NTRK3: variants seen among roughly 807,000 people sequenced by gnomAD.
The protein encoded by NTRK3 is neurotrophic receptor tyrosine kinase 3.
Under a neutral mutation model 91.7 loss-of-function variants are expected in NTRK3, and 24 were observed. The observed-to-expected ratio is 0.26, with a 90% CI of 0.19 to 0.37. The LOEUF (loss-of-function observed/expected upper bound fraction) is 0.37. Ranked by LOEUF, NTRK3 falls within the 10% of genes least tolerant of loss-of-function variation. The pLI, the probability that NTRK3 is intolerant of heterozygous loss-of-function variation, is 1.00. For synonymous variants in NTRK3, 483 were observed against 404.0 expected (o/e 1.20, Z -2.34); for missense variants, 880 against 1,068.9 (o/e 0.82, Z 2.46).
At chr15:87,955,771 T>C (rs867317365) in intron 14 of NTRK3, among the ~76,000 whole-genome samples, 3 of 152,180 alleles carry the variant, frequency 2.0e-5, no homozygotes, top group African/African-American at 7.2e-5. Context: ...GAGATCGTTG[T>C]TGACGGTGAT....
chr15:87,894,276 C>T (rs1338507589), intron 17 of NTRK3, among the ~76,000 whole-genome samples: 1 of 152,184 alleles, frequency 6.6e-6, no homozygotes, highest in Non-Finnish European at 1.5e-5. Flanking sequence ...ACTAGCAGTC[C>T]CAGCAGCCAC....
At chr15:88,085,945 T>C (rs1206880367) in intron 13 of NTRK3, among the ~76,000 whole-genome samples, 1 of 152,190 alleles carries the variant, frequency 6.6e-6, no homozygotes, top group Non-Finnish European at 1.5e-5. Context: ...GAGAAAATGA[T>C]AGTATGTGAT....
intron 14 of NTRK3, among the ~76,000 whole-genome samples, chr15:88,025,006 G>C (rs777498367): frequency 3.9e-5 from 6 of 152,208 alleles, no homozygotes; most frequent in Admixed American, 3.9e-4. Context: ...GTATACTTTA[G>C]AGCAGAAGAG....
At chr15:88,172,554 T>A (rs2045616597) in intron 5 of NTRK3, among the ~76,000 whole-genome samples, 1 of 152,238 alleles carries the variant, frequency 6.6e-6, no homozygotes, top group South Asian at 2.1e-4. Context: ...GACAGGGTTA[T>A]AAGAAAATTC....
At chr15:88,176,001 G>A (rs904543613) in intron 5 of NTRK3, among the ~76,000 whole-genome samples, 2 of 152,088 alleles carry the variant, frequency 1.3e-5, no homozygotes, top group African/African-American at 4.8e-5. Flanking sequence ...ATCTCAAAGA[G>A]GCGACCTACC....
chr15:87,886,964 T>A (rs2065591613), intron 17 of NTRK3, among the ~76,000 whole-genome samples: 1 of 151,410 alleles, frequency 6.6e-6, no homozygotes, highest in Non-Finnish European at 1.5e-5. Context: ...TTTGTTGATG[T>A]AAAAAAAATA....
intron 13 of NTRK3, among the ~76,000 whole-genome samples, chr15:88,107,716 A>G (rs756113438): frequency 6.6e-6 from 1 of 152,164 alleles, no homozygotes; most frequent in Non-Finnish European, 1.5e-5. Flanking sequence ...GGAAGAATGG[A>G]TAAAGCCTGC....
intron 14 of NTRK3, among the ~76,000 whole-genome samples, chr15:87,980,511 G>A (rs556425543): frequency 2.0e-5 from 3 of 152,118 alleles, no homozygotes; most frequent in African/African-American, 4.8e-5. Flanking sequence ...ATGTATGTGC[G>A]AATATATGTG....
chr15:88,108,683 G>A (rs2050981091), intron 13 of NTRK3, among the ~76,000 whole-genome samples: 1 of 152,198 alleles, frequency 6.6e-6, no homozygotes, highest in Non-Finnish European at 1.5e-5. Context: ...AACATTCCAT[G>A]ACACTTTCCA....
intron 13 of NTRK3, among the ~76,000 whole-genome samples, chr15:88,107,292 A>T (rs1433614653): frequency 6.6e-6 from 1 of 152,006 alleles, no homozygotes; most frequent in Non-Finnish European, 1.5e-5. Flanking sequence ...AAACTACAAA[A>T]ATTAGCCAGG....
chr15:87,988,384 A>G (rs576425200), intron 14 of NTRK3, among the ~76,000 whole-genome samples: 1 of 152,240 alleles, frequency 6.6e-6, no homozygotes, highest in South Asian at 2.1e-4. Flanking sequence ...GAGAAAGGAC[A>G]TTTGGGGGAA....
chr15:88,040,193 C>A (rs941528397), intron 13 of NTRK3, among the ~76,000 whole-genome samples: 3 of 152,206 alleles, frequency 2.0e-5, no homozygotes, highest in Non-Finnish European at 2.9e-5. Context: ...GGAGGAAAGT[C>A]TTTGAAGAGG....
intron 14 of NTRK3, among the ~76,000 whole-genome samples, chr15:87,984,136 A>C (rs918727059): frequency 6.6e-6 from 1 of 152,186 alleles, no homozygotes; most frequent in Non-Finnish European, 1.5e-5. Flanking sequence ...ATGGATAATT[A>C]AAATATAGTC....
intron 13 of NTRK3, among the ~76,000 whole-genome samples, chr15:88,119,246 A>G (rs1171807607): frequency 6.6e-6 from 1 of 152,268 alleles, no homozygotes; most frequent in East Asian, 1.9e-4. Context: ...AGCCTTCTCA[A>G]AGCTCCAAGC....
chr15:88,035,256 G>T (rs2078969193), intron 13 of NTRK3, among the ~76,000 whole-genome samples: 1 of 152,176 alleles, frequency 6.6e-6, no homozygotes, highest in African/African-American at 2.4e-5. Context: ...AGGCTGAGGT[G>T]GAGTGAGGCT....
chr15:88,225,717 A>G lies in NTRK3; in HGVS notation c.248+30189T>C, dbSNP rs147199896. 1.7e-4 allele frequency among the ~76,000 whole-genome samples: 26 copies of G among 152,258 alleles called. No individual in the cohort carries two copies. In the East Asian group the frequency reaches 4.6e-3, roughly 27 times the overall value. ...CTTCTGACAGTGCTGATGTTTCCCA[A>G]CCAGATCCATGCAGACCAGATCCAA... On this transcript the variant is annotated intron_variant, in intron 3 of 18. Transcript: ENST00000394480.
exon 19 of NTRK3, chr15:87,869,006 G>A (rs2064758219): frequency 4.4e-6 from 1 of 229,030 alleles, no homozygotes; most frequent in Non-Finnish European, 8.7e-6. Context: ...AATGACTTAG[G>A]ACACACTAAT....
intron 13 of NTRK3, among the ~76,000 whole-genome samples, chr15:88,066,886 AG>A (rs1353903436): frequency 6.6e-6 from 1 of 152,182 alleles, no homozygotes; most frequent in Non-Finnish European, 1.5e-5. Context: ...GTCAGTTAGT[AG>A]GGTGGCTGGA....
chr15:88,210,634 G>C (rs759091726), intron 3 of NTRK3, among the ~76,000 whole-genome samples: 44 of 152,164 alleles, frequency 2.9e-4, no homozygotes, highest in Non-Finnish European at 5.6e-4. Flanking sequence ...CGAACACCTG[G>C]AGCAACTTGC....
Sources: gnomAD v4.1 joint callset for allele counts (sites outside exome capture counted in the v4.1 genomes callset) on GRCh38, gnomAD v4.1.1 for gene constraint, MANE v1.5 for transcripts, NCBI Gene and HGNC (gene_info 2026-07-23, HGNC 2026-07-21) for gene names.